Variants in BANK1 observed in about 807,000 individuals in gnomAD.
BANK1 encodes B-cell scaffold protein with ankyrin repeats.
A neutral mutation model predicts 94.5 loss-of-function variants in BANK1; 95 were observed. That is an observed-to-expected ratio of 1.00 (90% confidence interval 0.85 to 1.19). The LOEUF is 1.19. BANK1 is among the 50% of genes most tolerant of loss of function. The probability of loss-of-function intolerance (pLI) is 0.00; values close to 1 mark genes in which losing one functional copy is unlikely to be tolerated. For missense variants in BANK1, 987 were observed against 932.2 expected, an observed-to-expected ratio of 1.06 and a Z score of -0.77; for synonymous variants, 334 against 308.4, an observed-to-expected ratio of 1.08 and a Z score of -0.87.
At chr4:102,073,069 A>ATT (rs1728809325) in intron 15 of BANK1, among the ~76,000 whole-genome samples, 1 of 152,020 alleles carries the variant, frequency 6.6e-6, no homozygotes, top group Non-Finnish European at 1.5e-5. Context: ...ACTTCTTATA[A>ATT]TGAACGAATT....
intron 10 of BANK1, among the ~76,000 whole-genome samples, chr4:102,040,619 C>T (rs1727671366): frequency 6.6e-6 from 1 of 151,940 alleles, no homozygotes; most frequent in Admixed American, 6.6e-5. Flanking sequence ...AGGATTGTCT[C>T]AATATATGAT....
chr4:101,793,931 T>C (rs1725071372), intron 1 of BANK1, among the ~76,000 whole-genome samples: 1 of 152,098 alleles, frequency 6.6e-6, no homozygotes, highest in Non-Finnish European at 1.5e-5. Flanking sequence ...TCATACTGAT[T>C]GCCTCATACT....
At chr4:102,049,990 ACC>A (rs1727994886) in intron 11 of BANK1, among the ~76,000 whole-genome samples, 1 of 152,170 alleles carries the variant, frequency 6.6e-6, no homozygotes, top group Non-Finnish European at 1.5e-5. Flanking sequence ...CAGATAGCCC[ACC>A]CCAAGGAAAA....
In BANK1 at chr4:102,030,280, T is replaced by C; in HGVS notation, c.1900+15T>C. The C allele has an allele frequency of 6.5e-7, 1 of 1,548,012 alleles. No individual in the cohort carries two copies. Among genetic ancestry groups the C allele is most frequent in the African/African-American group, 1.4e-5 (1 of 72,042 alleles). On this transcript the variant is annotated intron_variant, in intron 10 of 16. Coordinates refer to ENST00000322953, the MANE Select transcript of BANK1 (RefSeq NM_017935.5). ...CATAGCTCAAGGTAATTATCATTGT[T>C]GTTTGTTTACTTGTTAATTTTTTTT...
chr4:101,839,936 AATTTTTTTTTTTTT>A (rs1726968554), intron 2 of BANK1, among the ~76,000 whole-genome samples: 1 of 78,946 alleles, frequency 1.3e-5, no homozygotes, highest in African/African-American at 4.6e-5. Context: ...TCAAATATTT[AATTTTTTTTTTTTT>A]TTTTTTTTTT....
intron 10 of BANK1, among the ~76,000 whole-genome samples, chr4:102,033,167 A>G (rs772348658): frequency 1.3e-5 from 2 of 152,192 alleles, no homozygotes; most frequent in Non-Finnish European, 2.9e-5. Context: ...CAGAATGCAC[A>G]ATTTAACTTG....
chr4:101,942,080 C>A (rs1306940244), intron 7 of BANK1, among the ~76,000 whole-genome samples: 2 of 151,778 alleles, frequency 1.3e-5, no homozygotes, highest in Non-Finnish European at 2.9e-5. Context: ...AAAGAGAGAT[C>A]AGGAAGAATG....
chr4:101,827,638 G>GT (rs942151076), intron 1 of BANK1, among the ~76,000 whole-genome samples: 3 of 151,686 alleles, frequency 2.0e-5, no homozygotes, highest in African/African-American at 4.8e-5. Context: ...TTTTTCCAAA[G>GT]TTTTTTTAAT....
rs1560682317 is a variant in BANK1 at position 102,007,146 on chromosome 4, T to TATATA, written c.1207-14368_1207-14367insATATA. Among the ~76,000 whole-genome samples the TATATA allele has an allele frequency of 3.3e-3, 127 of 38,060 alleles. 4 individuals are homozygous for TATATA. The highest frequency in any genetic ancestry group is 6.3e-3 in the African/African-American group (96 of 15,188). The allele number at this position is 38,060 out of a possible 152,430, so 25.0% of individuals were successfully genotyped here. A position where few individuals can be genotyped will look rare whatever the true frequency, so the allele number is the denominator to read the frequency against. On this transcript the variant is annotated intron_variant, in intron 7 of 16. Coordinates refer to ENST00000322953, the MANE Select transcript of BANK1 (RefSeq NM_017935.5). The stretch of plus-strand genomic sequence containing the variant: ...TTTATATATATATAAAAAATATATT[T>TATATA]TATATATATATATATATATATATAA...
intron 6 of BANK1, among the ~76,000 whole-genome samples, chr4:101,905,390 G>A (rs181385173): frequency 1.5e-3 from 230 of 152,292 alleles, no homozygotes; most frequent in African/African-American, 5.5e-3. Flanking sequence ...GGCCTGAGCT[G>A]GAAATGCCCC....
At chr4:101,851,375 G>C (rs911189072) in intron 2 of BANK1, among the ~76,000 whole-genome samples, 1 of 152,158 alleles carries the variant, frequency 6.6e-6, no homozygotes, top group East Asian at 1.9e-4. Flanking sequence ...ACTAGGCGTG[G>C]ATTTATTTGA....
chr4:101,923,079 A>G (rs1367733411), intron 7 of BANK1, among the ~76,000 whole-genome samples: 1 of 151,878 alleles, frequency 6.6e-6, no homozygotes, highest in Non-Finnish European at 1.5e-5. Flanking sequence ...GCATCCTTGG[A>G]AAAAATAATT....
chr4:102,007,146 T>TATATATATATATATA lies in BANK1; in HGVS notation c.1207-14368_1207-14367insATATATATATATATA, dbSNP rs1560682317. ...TTTATATATATATAAAAAATATATT[T>TATATATATATATATA]TATATATATATATATATATATATAA... On this transcript the variant is annotated intron_variant, in intron 7 of 16. Coordinates refer to ENST00000322953, the MANE Select transcript of BANK1 (RefSeq NM_017935.5). 9.0e-3 allele frequency among the ~76,000 whole-genome samples: 340 copies of TATATATATATATATA among 37,926 alleles called. 14 individuals are homozygous for TATATATATATATATA. The highest frequency in any genetic ancestry group is 0.029 in the Middle Eastern group (2 of 70). 24.9% of individuals were successfully genotyped at this position (37,926 alleles called of 152,430 possible).
At chr4:101,874,342 C>A (rs964496908) in intron 5 of BANK1, among the ~76,000 whole-genome samples, 26 of 152,176 alleles carry the variant, frequency 1.7e-4, no homozygotes, top group African/African-American at 6.3e-4. Context: ...TTAATTTCTT[C>A]ATTGAATTAA....
chr4:101,960,605 T>C (rs1376523089), intron 7 of BANK1, among the ~76,000 whole-genome samples: 2 of 152,050 alleles, frequency 1.3e-5, no homozygotes, highest in African/African-American at 2.4e-5. Context: ...AGGGAAATTG[T>C]TTTTAACTGT....
chr4:102,061,009 G>A (rs1291636139), intron 12 of BANK1, among the ~76,000 whole-genome samples: 1 of 152,004 alleles, frequency 6.6e-6, no homozygotes, highest in African/African-American at 2.4e-5. Context: ...AGATAACACG[G>A]TCATATTCCC....
intron 7 of BANK1, among the ~76,000 whole-genome samples, chr4:101,936,613 GA>G (rs539938278): frequency 2.3e-4 from 34 of 149,738 alleles, no homozygotes; most frequent in Non-Finnish European, 4.0e-4. Context: ...CACTCTATAG[GA>G]AAAAAAATTA....
intron 7 of BANK1, among the ~76,000 whole-genome samples, chr4:101,988,086 T>A (rs1725576804): frequency 6.6e-6 from 1 of 152,182 alleles, no homozygotes; most frequent in Non-Finnish European, 1.5e-5. Flanking sequence ...GTTAAGCCCC[T>A]GAGATGTTTG....
At chr4:101,940,005 A>G (rs1012466474) in intron 7 of BANK1, among the ~76,000 whole-genome samples, 1 of 151,698 alleles carries the variant, frequency 6.6e-6, no homozygotes, top group Admixed American at 6.6e-5. Flanking sequence ...TAGCTTCCCT[A>G]TTGACCATTT....
Sources: gnomAD v4.1 joint callset for allele counts (sites outside exome capture counted in the v4.1 genomes callset) on GRCh38, gnomAD v4.1.1 for gene constraint, MANE v1.5 for transcripts, NCBI Gene and HGNC (gene_info 2026-07-23, HGNC 2026-07-21) for gene names.